The following RNF180 variants were observed in gnomAD, a reference collection of about 807,000 sequenced individuals.
RNF180 encodes ring finger protein 180, also known as E3 ubiquitin-protein ligase RNF180.
Under a neutral mutation model 59.2 loss-of-function variants are expected in RNF180, and 38 were observed. The ratio of observed to expected loss-of-function variants is 0.64; its 90% CI spans 0.50 to 0.84. The LOEUF is 0.84. Ranked by LOEUF, RNF180 falls within the 40% of genes least tolerant of loss-of-function variation. RNF180 has a pLI of 0.00. For synonymous variants in RNF180, 262 were observed against 240.3 expected, an observed-to-expected ratio of 1.09 and a Z score of -0.84; for missense variants, 705 against 700.9, an observed-to-expected ratio of 1.01 and a Z score of -0.07.
chr5:64,261,004 G>A (rs941071426), intron 5 of RNF180, among the ~76,000 whole-genome samples: 5 of 149,670 alleles, frequency 3.3e-5, no homozygotes, highest in Non-Finnish European at 5.9e-5. Context: ...CATACTGAAT[G>A]CAAACAAGTA....
intron 5 of RNF180, among the ~76,000 whole-genome samples, chr5:64,228,915 C>CTTTTT (rs373212886): frequency 1.0e-4 from 10 of 98,488 alleles, no homozygotes; most frequent in East Asian, 3.0e-4. Flanking sequence ...TCTATTACTG[C>CTTTTT]TTTTTTTTTT....
chr5:64,278,875 C>T (rs1741860587), intron 5 of RNF180, among the ~76,000 whole-genome samples: 1 of 152,214 alleles, frequency 6.6e-6, no homozygotes, highest in Non-Finnish European at 1.5e-5. Context: ...CTGCCTTGAC[C>T]TCCCAAAGTG....
At chr5:64,273,245 G>A (rs959919744) in intron 5 of RNF180, among the ~76,000 whole-genome samples, 2 of 151,922 alleles carry the variant, frequency 1.3e-5, no homozygotes, top group African/African-American at 4.8e-5. Context: ...CTCAGTTCTG[G>A]GGGGAATTGC....
chr5:64,254,491 T>G (rs145944713), intron 5 of RNF180, among the ~76,000 whole-genome samples: 140 of 152,286 alleles, frequency 9.2e-4, no homozygotes, highest in African/African-American at 3.3e-3. Flanking sequence ...TGCAACATGC[T>G]TTTTATAGAA....
chr5:64,221,886 A>G (rs796676067), intron 5 of RNF180, among the ~76,000 whole-genome samples: 31 of 152,338 alleles, frequency 2.0e-4, no homozygotes, highest in African/African-American at 7.0e-4. Context: ...TTCATATCTT[A>G]CATTAGTATG....
chr5:64,201,017 T>A, intron 2 of RNF180, 75 bp downstream of exon 2: 1 of 1,099,284 alleles, frequency 9.1e-7, no homozygotes, highest in Non-Finnish European at 1.3e-6. Context: ...CATGCACACT[T>A]ATTCTTCTCT....
chr5:64,183,392 G>T (rs1750709715), intron 1 of RNF180, among the ~76,000 whole-genome samples: 1 of 150,220 alleles, frequency 6.7e-6, no homozygotes, highest in Admixed American at 6.6e-5. Context: ...ATATATGAAG[G>T]ATATACCACT....
chr5:64,352,491 G>A (rs1006178194), intron 7 of RNF180, among the ~76,000 whole-genome samples: 3 of 152,052 alleles, frequency 2.0e-5, no homozygotes, highest in South Asian at 2.1e-4. Context: ...TAATTGTGAT[G>A]TTAGGGTGTC....
intron 7 of RNF180, among the ~76,000 whole-genome samples, chr5:64,356,340 A>G (rs1734566790): frequency 6.6e-6 from 1 of 151,900 alleles, no homozygotes; most frequent in South Asian, 2.1e-4. Flanking sequence ...ATGGAAGAAA[A>G]TGGTTGCAAA....
At chr5:64,345,389 T>C (rs1450779746) in intron 7 of RNF180, among the ~76,000 whole-genome samples, 1 of 152,210 alleles carries the variant, frequency 6.6e-6, no homozygotes, top group Non-Finnish European at 1.5e-5. Flanking sequence ...GGAATGCCTC[T>C]CCACTGGGAA....
intron 5 of RNF180, among the ~76,000 whole-genome samples, chr5:64,263,221 A>T (rs1163022285): frequency 6.6e-6 from 1 of 152,170 alleles, no homozygotes; most frequent in South Asian, 2.1e-4. Context: ...TTCATTGTGC[A>T]TTTGTGAATT....
intron 7 of RNF180, among the ~76,000 whole-genome samples, chr5:64,355,682 C>G (rs144120021): frequency 1.3e-5 from 2 of 151,852 alleles, no homozygotes; most frequent in Admixed American, 1.3e-4. Flanking sequence ...CAGTGTAGTA[C>G]TGCCATAAGA....
At chr5:64,179,747 T>C (rs1750468245) in intron 1 of RNF180, among the ~76,000 whole-genome samples, 1 of 152,222 alleles carries the variant, frequency 6.6e-6, no homozygotes, top group Admixed American at 6.5e-5. Flanking sequence ...CTTATTCATA[T>C]ACAAACCTAG....
chr5:64,317,818 TA>T (rs1744142146), intron 5 of RNF180, among the ~76,000 whole-genome samples: 3 of 151,940 alleles, frequency 2.0e-5, no homozygotes, highest in African/African-American at 4.8e-5. Flanking sequence ...AAATGTAAGT[TA>T]AAAATGCATT....
intron 7 of RNF180, among the ~76,000 whole-genome samples, chr5:64,348,223 G>A (rs189250135): frequency 6.6e-5 from 10 of 152,024 alleles, no homozygotes; most frequent in Admixed American, 2.6e-4. Context: ...AGCAAAGAGA[G>A]AAAACAATAA....
intron 5 of RNF180, among the ~76,000 whole-genome samples, chr5:64,284,200 T>G (rs1355906007): frequency 2.0e-5 from 3 of 150,684 alleles, no homozygotes; most frequent in African/African-American, 7.4e-5. Context: ...TCTTCTAGCT[T>G]GTAGGGTTTC....
intron 5 of RNF180, among the ~76,000 whole-genome samples, chr5:64,255,178 T>C (rs1207384444): frequency 6.6e-6 from 1 of 152,172 alleles, no homozygotes; most frequent in Admixed American, 6.6e-5. Context: ...GTATATTTTA[T>C]TTATCCAGCA....
At chr5:64,367,403 TAA>T (rs1158030103) in intron 7 of RNF180, among the ~76,000 whole-genome samples, 2 of 151,638 alleles carry the variant, frequency 1.3e-5, no homozygotes, top group South Asian at 2.1e-4. Context: ...TGTGTAGCAG[TAA>T]AAAAAGTTTT....
chr5:64,189,210 C>A (rs927122656), intron 1 of RNF180, among the ~76,000 whole-genome samples: 1 of 151,720 alleles, frequency 6.6e-6, no homozygotes, highest in Admixed American at 6.6e-5. Context: ...TTATGGTAGC[C>A]CAAGCAGAAT....
Sources: allele counts gnomAD v4.1 joint callset (sites outside exome capture counted in the v4.1 genomes callset), GRCh38; gene constraint gnomAD v4.1.1; transcripts MANE v1.5; gene names NCBI Gene and HGNC (gene_info 2026-07-23, HGNC 2026-07-21).